Variants in PPP2R2B observed in about 807,000 individuals in gnomAD.
PPP2R2B encodes the protein protein phosphatase 2 regulatory subunit Bbeta, also known as serine/threonine-protein phosphatase 2A 55 kDa regulatory subunit B beta isoform.
In PPP2R2B, 5 loss-of-function variants were observed where a neutral mutation model predicts 46.0. The observed-to-expected ratio is 0.11, with a 90% CI of 0.06 to 0.23. The LOEUF is 0.23. Among genes scored for constraint, PPP2R2B ranks in the 10% least tolerant of loss-of-function variants. PPP2R2B has a pLI of 1.00. For missense variants in PPP2R2B, 367 were observed against 575.0 expected (o/e 0.64, Z 3.70); for synonymous variants, 215 against 206.7 (o/e 1.04, Z -0.34).
chr5:146,649,641 G>A (rs1403256025), intron 6 of PPP2R2B, among the ~76,000 whole-genome samples: 1 of 151,854 alleles, frequency 6.6e-6, no homozygotes, highest in Admixed American at 6.6e-5. Flanking sequence ...GTAAAGTTGG[G>A]GCCTTGCCAC....
intron 7 of PPP2R2B, among the ~76,000 whole-genome samples, chr5:146,627,322 C>G (rs1774131228): frequency 6.6e-6 from 1 of 152,208 alleles, no homozygotes; most frequent in South Asian, 2.1e-4. Context: ...CTTTAAGATT[C>G]ATTGCAGTTG....
At chr5:146,936,082 C>T (rs890766159) in intron 1 of PPP2R2B, among the ~76,000 whole-genome samples, 1 of 152,134 alleles carries the variant, frequency 6.6e-6, no homozygotes, top group Non-Finnish European at 1.5e-5. Context: ...GAATGGCATT[C>T]CAACAAGGAA....
chr5:146,916,486 A>G (rs1245381633), intron 1 of PPP2R2B, among the ~76,000 whole-genome samples: 1 of 152,160 alleles, frequency 6.6e-6, no homozygotes, highest in African/African-American at 2.4e-5. Context: ...GCCAAACTCA[A>G]TATCTGACAC....
At chr5:146,840,762 C>G (rs1018988436) in intron 2 of PPP2R2B, among the ~76,000 whole-genome samples, 3 of 152,136 alleles carry the variant, frequency 2.0e-5, no homozygotes, top group African/African-American at 7.2e-5. Context: ...GCATAGAAAT[C>G]AAAGATATAA....
At chr5:147,035,122 A>G in intron 1 of PPP2R2B, 2 of 456,010 alleles carry the variant, frequency 4.4e-6, no homozygotes, top group Non-Finnish European at 8.8e-6. Flanking sequence ...TGTATAAATA[A>G]CTGCCTGAGA....
At chr5:146,794,419 C>A (rs1023616320) in intron 2 of PPP2R2B, among the ~76,000 whole-genome samples, 4 of 152,202 alleles carry the variant, frequency 2.6e-5, no homozygotes, top group African/African-American at 9.7e-5. Context: ...ATTCAGATAA[C>A]TTTACCTAAT....
At chr5:146,591,103 CCAGGG>C (rs1770605583) in intron 9 of PPP2R2B, among the ~76,000 whole-genome samples, 1 of 151,956 alleles carries the variant, frequency 6.6e-6, no homozygotes, top group Non-Finnish European at 1.5e-5. Context: ...ATTCCTTGGG[CCAGGG>C]CAAGTACCCC....
At chr5:146,676,016 C>A (rs940943630) in intron 5 of PPP2R2B, among the ~76,000 whole-genome samples, 2 of 151,934 alleles carry the variant, frequency 1.3e-5, no homozygotes, top group African/African-American at 4.8e-5. Flanking sequence ...CACTCATGGG[C>A]GGATTCACCT....
chr5:147,005,677 G>C (rs1228193993), intron 1 of PPP2R2B, among the ~76,000 whole-genome samples: 1 of 152,064 alleles, frequency 6.6e-6, no homozygotes, highest in Non-Finnish European at 1.5e-5. Flanking sequence ...AAGTCAGAGA[G>C]AGAGAGGAAG....
At chr5:146,818,551 T>C (rs533247109) in intron 2 of PPP2R2B, among the ~76,000 whole-genome samples, 1 of 152,290 alleles carries the variant, frequency 6.6e-6, no homozygotes, top group East Asian at 1.9e-4. Flanking sequence ...ATTCACCCCA[T>C]TGTTCCGAGG....
chr5:146,656,064 C>T (rs1159833093), intron 5 of PPP2R2B, among the ~76,000 whole-genome samples: 2 of 152,166 alleles, frequency 1.3e-5, no homozygotes, highest in African/African-American at 4.8e-5. Flanking sequence ...TATTAAATCC[C>T]TCCTCAATAG....
At chr5:146,999,392 A>G (rs1460289401) in intron 1 of PPP2R2B, among the ~76,000 whole-genome samples, 3 of 152,208 alleles carry the variant, frequency 2.0e-5, no homozygotes, top group Admixed American at 2.0e-4. Flanking sequence ...CAGCCCCATC[A>G]TTCTCAGCCC....
intron 1 of PPP2R2B, among the ~76,000 whole-genome samples, chr5:146,933,516 C>G (rs1319242246): frequency 6.6e-6 from 1 of 151,936 alleles, no homozygotes; most frequent in Admixed American, 6.6e-5. Flanking sequence ...AAAATAAAAC[C>G]TATTATCAAC....
At chr5:146,729,265 A>T (rs955803945) in intron 2 of PPP2R2B, among the ~76,000 whole-genome samples, 6 of 152,310 alleles carry the variant, frequency 3.9e-5, no homozygotes, top group African/African-American at 1.4e-4. Flanking sequence ...TTTGAACTTG[A>T]GAGAGATGAT....
At chr5:146,601,572 G>T (rs1771792081) in intron 7 of PPP2R2B, among the ~76,000 whole-genome samples, 1 of 152,158 alleles carries the variant, frequency 6.6e-6, no homozygotes, top group Non-Finnish European at 1.5e-5. Context: ...AAAAAAAGTG[G>T]TGCTTTCTTA....
At chr5:146,875,222 A>G (rs143092753) in intron 2 of PPP2R2B, among the ~76,000 whole-genome samples, 5 of 152,290 alleles carry the variant, frequency 3.3e-5, no homozygotes, top group African/African-American at 1.2e-4. Context: ...TTGAAATGCT[A>G]TACATAAAGA....
At chr5:146,680,030 C>A (rs1320992110) in intron 5 of PPP2R2B, among the ~76,000 whole-genome samples, 1 of 149,536 alleles carries the variant, frequency 6.7e-6, no homozygotes, top group African/African-American at 2.5e-5. Context: ...TTTGACCCAG[C>A]CATCCCATTA....
At chr5:146,744,800 A>G (rs1305731328) in intron 2 of PPP2R2B, among the ~76,000 whole-genome samples, 2 of 152,186 alleles carry the variant, frequency 1.3e-5, no homozygotes, top group Non-Finnish European at 1.5e-5. Flanking sequence ...CAGGCTATCT[A>G]CTTCTTATTC....
At chr5:146,593,739 A>G (rs982473014) in intron 8 of PPP2R2B, among the ~76,000 whole-genome samples, 1 of 152,204 alleles carries the variant, frequency 6.6e-6, no homozygotes. Flanking sequence ...GCCTAGAGGC[A>G]GGAATCCTGG....
Sources: gnomAD v4.1 joint callset for allele counts (sites outside exome capture counted in the v4.1 genomes callset) on GRCh38, gnomAD v4.1.1 for gene constraint, MANE v1.5 for transcripts, NCBI Gene and HGNC (gene_info 2026-07-23, HGNC 2026-07-21) for gene names.